RABGAP1L: variants seen among roughly 807,000 people sequenced by gnomAD.
RABGAP1L encodes the protein rab GTPase-activating protein 1-like.
A neutral mutation model predicts 137.7 loss-of-function variants in RABGAP1L; 63 were observed. That is an observed-to-expected ratio of 0.46 (90% confidence interval 0.37 to 0.56). The LOEUF is 0.56. Among genes scored for constraint, RABGAP1L ranks in the 20% least tolerant of loss-of-function variants. RABGAP1L has a pLI of 0.00. For missense variants in RABGAP1L, 1,095 were observed against 1,244.0 expected (o/e 0.88, Z 1.80); for synonymous variants, 431 against 433.7 (o/e 0.99, Z 0.08).
At chr1:174,228,532 A>T (rs1670375695) in intron 3 of RABGAP1L, among the ~76,000 whole-genome samples, 1 of 152,150 alleles carries the variant, frequency 6.6e-6, no homozygotes, top group Non-Finnish European at 1.5e-5. Context: ...TAATTTAAAC[A>T]TATTAAAATG....
intron 13 of RABGAP1L, among the ~76,000 whole-genome samples, chr1:174,629,494 A>G (rs191958782): frequency 4.6e-5 from 7 of 152,310 alleles, no homozygotes; most frequent in Non-Finnish European, 7.4e-5. Flanking sequence ...ACACATATGT[A>G]TTAAACATTT....
chr1:174,939,513 G>A (rs1390349325), intron 19 of RABGAP1L, among the ~76,000 whole-genome samples: 1 of 148,164 alleles, frequency 6.7e-6, no homozygotes, highest in Non-Finnish European at 1.5e-5. Flanking sequence ...CTGAGATTGC[G>A]CCAGCCTGGG....
chr1:174,534,380 G>A (rs1375218794), intron 13 of RABGAP1L, among the ~76,000 whole-genome samples: 1 of 151,972 alleles, frequency 6.6e-6, no homozygotes, highest in African/African-American at 2.4e-5. Flanking sequence ...AACTAGATTA[G>A]TACTAAATCC....
intron 18 of RABGAP1L, among the ~76,000 whole-genome samples, chr1:174,806,065 G>A (rs1689270905): frequency 6.6e-6 from 1 of 152,266 alleles, no homozygotes; most frequent in Non-Finnish European, 1.5e-5. Flanking sequence ...TAGCCTGAAG[G>A]GATTTTGTTC....
chr1:174,359,153 G>A (rs747056249), intron 11 of RABGAP1L, among the ~76,000 whole-genome samples: 2 of 150,618 alleles, frequency 1.3e-5, no homozygotes, highest in Non-Finnish European at 2.9e-5. Flanking sequence ...GTATCTGCAC[G>A]GTTGCATTGT....
intron 18 of RABGAP1L, among the ~76,000 whole-genome samples, chr1:174,801,872 C>A (rs568301012): frequency 2.4e-4 from 36 of 152,284 alleles, no homozygotes; most frequent in African/African-American, 8.2e-4. Flanking sequence ...TCAACAAATT[C>A]TCTACATCTC....
At chr1:174,583,176 T>G (rs1336306740) in intron 13 of RABGAP1L, among the ~76,000 whole-genome samples, 1 of 152,182 alleles carries the variant, frequency 6.6e-6, no homozygotes, top group Non-Finnish European at 1.5e-5. Flanking sequence ...ATACTTTGTC[T>G]TAGAGTCATT....
chr1:174,430,492 A>T (rs1652502212), intron 13 of RABGAP1L, among the ~76,000 whole-genome samples: 1 of 152,198 alleles, frequency 6.6e-6, no homozygotes, highest in African/African-American at 2.4e-5. Flanking sequence ...TTAACATTTT[A>T]ATTTAATTGA....
intron 11 of RABGAP1L, among the ~76,000 whole-genome samples, chr1:174,366,778 G>GAAAAAAAAAAAAAAAAAAA (rs71117562): frequency 1.1e-5 from 1 of 94,760 alleles, no homozygotes; most frequent in Non-Finnish European, 2.3e-5. Flanking sequence ...CCGTCTCCAG[G>GAAAAAAAAAAAAAAAAAAA]AAAAAAAAAA....
chr1:174,420,089 T>A (rs2149160858), intron 13 of RABGAP1L, among the ~76,000 whole-genome samples: 1 of 152,248 alleles, frequency 6.6e-6, no homozygotes, highest in South Asian at 2.1e-4. Context: ...TCGGGTTATA[T>A]ACTGAGAGAA....
At chr1:174,656,162 A>C (rs1675954830) in intron 14 of RABGAP1L, among the ~76,000 whole-genome samples, 1 of 152,150 alleles carries the variant, frequency 6.6e-6, no homozygotes, top group South Asian at 2.1e-4. Flanking sequence ...ACCCCTTTAA[A>C]GTGTACAATT....
At chr1:174,536,149 A>G (rs1224780804) in intron 13 of RABGAP1L, among the ~76,000 whole-genome samples, 6 of 151,574 alleles carry the variant, frequency 4.0e-5, no homozygotes, top group Admixed American at 3.9e-4. Context: ...TTAATTATTG[A>G]TAAGGTGTGC....
At chr1:174,899,451 A>G (rs554130619) in intron 19 of RABGAP1L, among the ~76,000 whole-genome samples, 1 of 152,302 alleles carries the variant, frequency 6.6e-6, no homozygotes, top group South Asian at 2.1e-4. Flanking sequence ...GCTCTATCAA[A>G]AACATTAGGC....
At chr1:174,282,429 A>T (rs1240547392) in intron 10 of RABGAP1L, among the ~76,000 whole-genome samples, 1 of 152,128 alleles carries the variant, frequency 6.6e-6, no homozygotes, top group Non-Finnish European at 1.5e-5. Flanking sequence ...AATCATTCAT[A>T]TATCTTCTTT....
At chr1:174,620,596 G>C (rs1672359599) in intron 13 of RABGAP1L, among the ~76,000 whole-genome samples, 1 of 152,014 alleles carries the variant, frequency 6.6e-6, no homozygotes, top group Admixed American at 6.5e-5. Flanking sequence ...CGAGAACAAA[G>C]ACACAACGTA....
intron 2 of RABGAP1L, 78 bp from the exon 3 acceptor site, chr1:174,220,894 A>G: frequency 4.0e-6 from 5 of 1,234,884 alleles, no homozygotes; most frequent in Non-Finnish European, 5.5e-6. Context: ...AATTTCTTCT[A>G]GAAATGAAAT....
intron 4 of RABGAP1L, among the ~76,000 whole-genome samples, chr1:174,240,928 A>T (rs1413816211): frequency 1.7e-5 from 2 of 115,716 alleles, no homozygotes; most frequent in African/African-American, 9.2e-5. Context: ...ATTTATGTGT[A>T]TGTGTGTGTT....
At chr1:174,931,987 TTGG>T (rs1262020951) in intron 19 of RABGAP1L, among the ~76,000 whole-genome samples, 18 of 136,036 alleles carry the variant, frequency 1.3e-4, no homozygotes, top group South Asian at 2.4e-4. Context: ...GACTGCTTTT[TTGG>T]TTTTTTTTTT....
chr1:174,803,102 T>C (rs1688909302), intron 18 of RABGAP1L, among the ~76,000 whole-genome samples: 1 of 152,200 alleles, frequency 6.6e-6, no homozygotes, highest in Non-Finnish European at 1.5e-5. Context: ...AAAAATCAAA[T>C]AAATGAAGAT....
Sources: allele counts gnomAD v4.1 joint callset (sites outside exome capture counted in the v4.1 genomes callset), GRCh38; gene constraint gnomAD v4.1.1; transcripts MANE v1.5; gene names NCBI Gene and HGNC (gene_info 2026-07-23, HGNC 2026-07-21).